ESR1: variants seen among roughly 807,000 people sequenced by gnomAD.
The protein encoded by ESR1 is estrogen receptor 1.
Under a neutral mutation model 52.7 loss-of-function variants are expected in ESR1, and 12 were observed. That is an observed-to-expected ratio of 0.23 (90% CI 0.15 to 0.37). The LOEUF is 0.37. ESR1 is among the 10% of genes least tolerant of loss of function. ESR1 has a pLI of 1.00. For synonymous variants in ESR1, 305 were observed against 316.8 expected (o/e 0.96, Z 0.39); for missense variants, 584 against 779.7 (o/e 0.75, Z 2.99).
At chr6:152,116,074 G>A (rs1360680491) in intron 6 of ESR1, among the ~76,000 whole-genome samples, 1 of 152,210 alleles carries the variant, frequency 6.6e-6, no homozygotes, top group Non-Finnish European at 1.5e-5. Context: ...GTACATTAAA[G>A]GAGGGTATGA....
intron 3 of ESR1, among the ~76,000 whole-genome samples, chr6:151,885,859 A>G (rs931267443): frequency 6.6e-6 from 1 of 152,248 alleles, no homozygotes; most frequent in African/African-American, 2.4e-5. Flanking sequence ...TGTCTCAAAA[A>G]TAAATATATA....
At chr6:151,799,841 G>C (rs76858639), upstream of ESR1, among the ~76,000 whole-genome samples, 658 of 152,256 alleles carry the variant, frequency 4.3e-3, 7 homozygotes, top group South Asian at 0.033. Flanking sequence ...TTTCAGGTAG[G>C]GTAATTTGCA....
chr6:152,020,837 G>A (rs555870044), intron 5 of ESR1, among the ~76,000 whole-genome samples: 11 of 152,148 alleles, frequency 7.2e-5, no homozygotes, highest in African/African-American at 2.7e-4. Context: ...TTTAAAATTT[G>A]CAATTGTTTT....
At chr6:151,780,681 T>G (rs1411358535) in intron 2 of ESR1, among the ~76,000 whole-genome samples, 1 of 152,242 alleles carries the variant, frequency 6.6e-6, no homozygotes, top group South Asian at 2.1e-4. Context: ...TGGGAAGAAT[T>G]CAAATGCGAG....
rs369559420 is a variant in ESR1 at position 151,928,319 on chromosome 6, C to G, written c.761-15854C>G. ...ACACATACATTAGCCTACAGTTGAGCAAAATGATCTGGCAACAAAACACAC... is the reference window on the plus strand; with the variant it reads ...ACACATACATTAGCCTACAGTTGAGGAAAATGATCTGGCAACAAAACACAC... On this transcript the variant is annotated intron_variant, in intron 3 of 7. Transcript: ENST00000206249. Among the ~76,000 whole-genome samples, 22 of 152,284 alleles carry G rather than the reference C, an allele frequency of 1.4e-4. No individual in the cohort carries two copies. In the East Asian group the frequency reaches 4.1e-3, roughly 28 times the overall value.
At chr6:151,953,915 T>C (rs1393433751) in intron 4 of ESR1, among the ~76,000 whole-genome samples, 2 of 110,284 alleles carry the variant, frequency 1.8e-5, no homozygotes, top group East Asian at 4.8e-4. Flanking sequence ...AGCTCTAACC[T>C]GTAGATTTGC....
At chr6:152,106,236 C>T (rs1035001828), downstream of ESR1, among the ~76,000 whole-genome samples, 2 of 152,152 alleles carry the variant, frequency 1.3e-5, no homozygotes, top group African/African-American at 4.8e-5. Context: ...ATAAGCTCAA[C>T]CATGTTATTT....
At position 151,808,199 on chromosome 6, in the gene ESR1, G is replaced by T. The variant is rs775313423; in HGVS notation, c.287G>T (p.Gly96Val). ...AAAFGSNGLG[G>V]FPPLNSVSPS... ...GCGTTCGGCTCCAACGGCCTGGGGGGTTTCCCCCCACTCAACAGCGTGTCT... is the reference window on the plus strand; with the variant it reads ...GCGTTCGGCTCCAACGGCCTGGGGGTTTTCCCCCCACTCAACAGCGTGTCT... Residue 96 changes from glycine to valine, a missense_variant, in exon 1 of 8, where the codon GGT (glycine) becomes GTT (valine). This residue lies in a region of ESR1 where 251 missense variants were observed against 246.1 expected (regional missense o/e 1.02). Coordinates refer to ENST00000206249, the MANE Select transcript of ESR1 (RefSeq NM_000125.4). 6.3e-7 allele frequency: 1 copy of T among 1,575,320 alleles called. No homozygotes were observed. The highest frequency in any genetic ancestry group is 8.6e-7 in the Non-Finnish European group (1 of 1,160,568).
At chr6:152,129,390 T>A (rs1442188583) in exon 7 of ESR1, 1 of 152,154 alleles carries the variant, frequency 6.6e-6, no homozygotes, top group African/African-American at 2.4e-5. Context: ...CATCAGCAAT[T>A]TGTGGGGAAA....
chr6:151,750,769 A>G (rs1175100543), intron 2 of ESR1, among the ~76,000 whole-genome samples: 1 of 152,216 alleles, frequency 6.6e-6, no homozygotes, highest in Non-Finnish European at 1.5e-5. Flanking sequence ...TCGTTCTGAA[A>G]ACCAGGCTTA....
chr6:151,834,792 C>T (rs532967649), intron 1 of ESR1, among the ~76,000 whole-genome samples: 4 of 152,060 alleles, frequency 2.6e-5, no homozygotes, highest in East Asian at 3.9e-4. Context: ...AGGGAGAAGG[C>T]GCTGAGACAG....
Position 152,061,252 on chromosome 6 carries a change from A to G in ESR1, c.1369+128A>G. 1 of 890,580 alleles carries G rather than the reference A, an allele frequency of 1.1e-6. No homozygotes were observed. Among genetic ancestry groups the G allele is most frequent in the South Asian group, 1.4e-5 (1 of 71,638 alleles). The allele number at this position is 890,580 out of a possible 1,614,324, so 55.2% of individuals were successfully genotyped here. On this transcript the variant is annotated intron_variant, in intron 6 of 7. Transcript: ENST00000206249. The surrounding 1 kb of genome is among the most constrained non-coding windows in gnomAD (Gnocchi z 4.3). ...GAAAGAAACTACTGACACACGTTTT[A>G]AAATAACCTACCAACATTGCAGATT...
At chr6:151,689,628 C>T (rs766951879), upstream of ESR1, among the ~76,000 whole-genome samples, 2 of 152,042 alleles carry the variant, frequency 1.3e-5, no homozygotes, top group Non-Finnish European at 2.9e-5. Flanking sequence ...TGAGATGCAC[C>T]TCTTACTTGG....
At chr6:151,716,237 C>A (rs1037223895) in intron 2 of ESR1, among the ~76,000 whole-genome samples, 4 of 152,142 alleles carry the variant, frequency 2.6e-5, no homozygotes, top group African/African-American at 9.7e-5. Context: ...CAGATGCCAG[C>A]CAGAGCTCTC....
At chr6:151,807,072 A>T (rs1171774790), upstream of ESR1, 1 of 152,250 alleles carries the variant, frequency 6.6e-6, no homozygotes, top group East Asian at 1.9e-4. Flanking sequence ...GGCAGGTTGC[A>T]TTCTCCTGAT....
chr6:151,959,172 C>G (rs1353575065), intron 4 of ESR1, among the ~76,000 whole-genome samples: 1 of 152,160 alleles, frequency 6.6e-6, no homozygotes. Context: ...CTGGCCATCT[C>G]AAGACTAAGT....
chr6:151,742,116 C>T (rs1364150100), intron 2 of ESR1, among the ~76,000 whole-genome samples: 1 of 152,248 alleles, frequency 6.6e-6, no homozygotes, highest in Non-Finnish European at 1.5e-5. Context: ...AGATCTCATT[C>T]GTTTTTAAGG....
chr6:151,878,674 T>C (rs533970850), intron 2 of ESR1, among the ~76,000 whole-genome samples: 2 of 152,306 alleles, frequency 1.3e-5, no homozygotes, highest in South Asian at 4.1e-4. Context: ...AACTAGGGTG[T>C]GAAATATATA....
chr6:151,907,654 C>T (rs1718484453), intron 3 of ESR1, among the ~76,000 whole-genome samples: 1 of 152,018 alleles, frequency 6.6e-6, no homozygotes, highest in African/African-American at 2.4e-5. Context: ...TTAATTATTT[C>T]CCGAATTGTA....
Sources: gnomAD v4.1 joint callset for allele counts (sites outside exome capture counted in the v4.1 genomes callset) on GRCh38, gnomAD v4.1.1 for gene constraint, gnomAD v4.1.1 regional missense constraint, Gnocchi (gnomAD v3.1) non-coding constraint, MANE v1.5 for transcripts, NCBI Gene and HGNC (gene_info 2026-07-23, HGNC 2026-07-21) for gene names.